The following CADM3 variants were observed in gnomAD, a reference collection of about 807,000 sequenced individuals.
The protein encoded by CADM3 is cell adhesion molecule 3, also known as TSLC1-like 1.
A neutral mutation model predicts 44.9 loss-of-function variants in CADM3; 11 were observed. That is an observed-to-expected ratio of 0.25 (90% CI 0.15 to 0.41). The LOEUF (loss-of-function observed/expected upper bound fraction) is 0.41, where lower values mean the gene tolerates loss of function less well. Ranked by LOEUF, CADM3 falls within the 10% of genes least tolerant of loss-of-function variation. The pLI is 1.00. For synonymous variants in CADM3, 207 were observed against 205.2 expected, an observed-to-expected ratio of 1.01 and a Z score of -0.08; for missense variants, 426 against 512.0, an observed-to-expected ratio of 0.83 and a Z score of 1.62.
At chr1:159,181,150 T>C (rs1649219407) in intron 1 of CADM3, among the ~76,000 whole-genome samples, 1 of 152,222 alleles carries the variant, frequency 6.6e-6, no homozygotes, top group Non-Finnish European at 1.5e-5. Flanking sequence ...GACTCTGTTA[T>C]GTTTCCTTTC....
chr1:159,180,384 C>A (rs1398878511), intron 1 of CADM3, among the ~76,000 whole-genome samples: 2 of 151,980 alleles, frequency 1.3e-5, no homozygotes, highest in African/African-American at 4.8e-5. Flanking sequence ...TGTGTGTTTG[C>A]CCCCATCAAA....
At chr1:159,198,261 G>A (rs1415328362) in intron 7 of CADM3, 1 of 152,166 alleles carries the variant, frequency 6.6e-6, no homozygotes, top group African/African-American at 2.4e-5. Flanking sequence ...AGAGACAGGG[G>A]CCTGTAATTG....
At chr1:159,183,580 G>A (rs959529372) in intron 1 of CADM3, among the ~76,000 whole-genome samples, 2 of 152,172 alleles carry the variant, frequency 1.3e-5, no homozygotes, top group African/African-American at 4.8e-5. Flanking sequence ...GTGGATGTGA[G>A]CTGGAACGCA....
At chr1:159,176,216 C>T (rs1253440933) in intron 1 of CADM3, among the ~76,000 whole-genome samples, 1 of 152,164 alleles carries the variant, frequency 6.6e-6, no homozygotes, top group African/African-American at 2.4e-5. Context: ...TTACTGACTA[C>T]TGAGTGAAAA....
intron 1 of CADM3, among the ~76,000 whole-genome samples, chr1:159,180,315 TTG>T (rs1190990529): frequency 6.6e-6 from 1 of 152,124 alleles, no homozygotes; most frequent in African/African-American, 2.4e-5. Context: ...TCAGAGTGTC[TTG>T]TGTGTGTGTA....
intron 1 of CADM3, among the ~76,000 whole-genome samples, chr1:159,177,554 CA>C (rs1409667693): frequency 3.3e-5 from 5 of 152,148 alleles, no homozygotes; most frequent in African/African-American, 1.2e-4. Context: ...TTATTCTCCA[CA>C]GTGCAGTCCC....
At chr1:159,173,319 G>A (rs1328655469) in intron 1 of CADM3, among the ~76,000 whole-genome samples, 1 of 152,006 alleles carries the variant, frequency 6.6e-6, no homozygotes, top group East Asian at 1.9e-4. Flanking sequence ...GGTGCTGGAG[G>A]AATAATCGCT....
chr1:159,177,635 G>C (rs1217026410), intron 1 of CADM3, among the ~76,000 whole-genome samples: 1 of 152,038 alleles, frequency 6.6e-6, no homozygotes, highest in Non-Finnish European at 1.5e-5. Flanking sequence ...TCCCCGACCT[G>C]TTCCACCACA....
In CADM3 at chr1:159,196,345, A is replaced by G. The variant is rs756337714; in HGVS notation, c.692-19A>G. 1 of 1,606,320 alleles carries G rather than the reference A, an allele frequency of 6.2e-7. No homozygotes were observed. Among genetic ancestry groups the G allele is most frequent in the Non-Finnish European group, 8.5e-7 (1 of 1,172,964 alleles). ...GCCGTGTGGGGAGGTATTCATTGAT[A>G]CCATTTCCTTCTCCACAGACACACC... On this transcript the variant is annotated intron_variant, in intron 5 of 8. Coordinates refer to ENST00000368125, the MANE Select transcript of CADM3 (RefSeq NM_001127173.3).
intron 1 of CADM3, among the ~76,000 whole-genome samples, chr1:159,189,347 T>C (rs2102117276): frequency 6.6e-6 from 1 of 152,322 alleles, no homozygotes; most frequent in East Asian, 1.9e-4. Flanking sequence ...TTTTAGTGAA[T>C]CATATGGTGG....
chr1:159,178,337 C>T (rs987593050), intron 1 of CADM3: 3 of 152,194 alleles, frequency 2.0e-5, no homozygotes, highest in Non-Finnish European at 1.5e-5. Context: ...AGCATGACAA[C>T]CAACTCTAAC....
Position 159,203,171 on chromosome 1 carries a change from G to A in CADM3, c.*2249G>A, listed in dbSNP as rs1323985030. 1 of 152,650 alleles carries A rather than the reference G, an allele frequency of 6.6e-6. No individual in the cohort carries two copies. Among genetic ancestry groups the A allele is most frequent in the Non-Finnish European group, 1.5e-5 (1 of 68,300 alleles). The allele number at this position is 152,650 out of a possible 1,614,324, so 9.5% of individuals were successfully genotyped here. ...CAGCTGCCTCCTTTCTGGTCCTCTTGCTGCTGCTGGGATGTGTGTATGTGA... is the reference window on the plus strand; with the variant it reads ...CAGCTGCCTCCTTTCTGGTCCTCTTACTGCTGCTGGGATGTGTGTATGTGA... On this transcript the variant is annotated 3_prime_UTR_variant, in exon 9 of 9. Transcript: ENST00000368125.
chr1:159,183,805 A>T (rs1244747757), intron 1 of CADM3, among the ~76,000 whole-genome samples: 1 of 152,214 alleles, frequency 6.6e-6, no homozygotes, highest in African/African-American at 2.4e-5. Flanking sequence ...TGGGGGACAG[A>T]CAGAGTTAGA....
intron 1 of CADM3, among the ~76,000 whole-genome samples, chr1:159,190,542 A>G (rs774319726): frequency 6.6e-6 from 1 of 152,176 alleles, no homozygotes; most frequent in Non-Finnish European, 1.5e-5. Flanking sequence ...CAGTTCTACT[A>G]ATTTTTACAA....
chr1:159,192,881 A>G, intron 3 of CADM3, 151 bp downstream of exon 3: 1 of 751,002 alleles, frequency 1.3e-6, no homozygotes, highest in Non-Finnish European at 2.2e-6. Flanking sequence ...GATAAAATGT[A>G]AAAAGAAATG....
chr1:159,192,873 T>G, intron 3 of CADM3, 143 bp downstream of exon 3: 3 of 780,198 alleles, frequency 3.8e-6, no homozygotes, highest in Non-Finnish European at 6.2e-6. Flanking sequence ...GGCAATGGGA[T>G]AAAATGTAAA....
intron 6 of CADM3, 111 bp downstream of exon 6, chr1:159,196,565 A>G: frequency 1.1e-6 from 1 of 883,140 alleles, no homozygotes; most frequent in South Asian, 1.6e-5. Flanking sequence ...TGAGCCTCTC[A>G]TTTCCCTGAC....
At chr1:159,197,152 CT>C in intron 7 of CADM3, 92 bp downstream of exon 7, 1 of 1,376,756 alleles carries the variant, frequency 7.3e-7, no homozygotes, top group East Asian at 2.3e-5. Context: ...CATCCCCAAA[CT>C]GTGACGGGGA....
At chr1:159,189,240 C>T (rs1275080721) in intron 1 of CADM3, among the ~76,000 whole-genome samples, 1 of 152,202 alleles carries the variant, frequency 6.6e-6, no homozygotes, top group East Asian at 1.9e-4. Flanking sequence ...TATTTCCACT[C>T]TGCAAAATAG....
Sources: gnomAD v4.1 joint callset for allele counts (sites outside exome capture counted in the v4.1 genomes callset) on GRCh38, gnomAD v4.1.1 for gene constraint, MANE v1.5 for transcripts, NCBI Gene and HGNC (gene_info 2026-07-23, HGNC 2026-07-21) for gene names.